ZNF578: variants seen among roughly 807,000 people sequenced by gnomAD.
ZNF578 encodes zinc finger protein 578.
A neutral mutation model predicts 8.3 loss-of-function variants in ZNF578; 8 were observed. That is an observed-to-expected ratio of 0.96 (90% CI 0.56 to 1.74). The LOEUF (loss-of-function observed/expected upper bound fraction) is 1.74, where lower values mean the gene tolerates loss of function less well. Ranked by LOEUF, ZNF578 falls within the 40% of genes most tolerant of loss-of-function variation. ZNF578 has a pLI of 0.00. For missense variants in ZNF578, 726 were observed against 707.5 expected, an observed-to-expected ratio of 1.03 and a Z score of -0.30; for synonymous variants, 206 against 232.2, an observed-to-expected ratio of 0.89 and a Z score of 1.03.
intron 3 of ZNF578, among the ~76,000 whole-genome samples, chr19:52,496,191 G>A (rs2059385615): frequency 6.7e-6 from 1 of 150,246 alleles, no homozygotes; most frequent in South Asian, 2.1e-4. Context: ...TCTGATTTTT[G>A]TATTTTTAGT....
intron 2 of ZNF578, among the ~76,000 whole-genome samples, chr19:52,463,332 TGGACATAAGAAAGTTTGCCAAATGTA>T (rs2059264625): frequency 6.6e-6 from 1 of 152,208 alleles, no homozygotes; most frequent in Non-Finnish European, 1.5e-5. Context: ...TCTGGTTACA[TGGACATAAGAAAGTTTGCCAAATGTA>T]GGAACGTGGG....
At position 52,511,294 on chromosome 19, in the gene ZNF578, C is replaced by G; in HGVS notation, c.913C>G (p.His305Asp). ...SFSYKSSLTC[H>D]RRCHTGEKPY... ...CAGTTACAAGTCATCCCTGACATGC[C>G]ATCGTAGATGTCACACTGGTGAGAA... The change falls in exon 6 of 6, where the codon CAT becomes GAT. Residue 305 changes from histidine (H) to aspartate (D), a missense_variant. Physicochemically the swap from His to Asp is moderately conservative, Grantham distance 81. Transcript: ENST00000421239. 1 of 1,614,066 alleles carries G rather than the reference C, an allele frequency of 6.2e-7. No homozygotes were observed. Among genetic ancestry groups the G allele is most frequent in the Non-Finnish European group, 8.5e-7 (1 of 1,180,006 alleles).
intron 2 of ZNF578, among the ~76,000 whole-genome samples, chr19:52,481,001 A>G (rs1350793377): frequency 6.6e-6 from 1 of 151,896 alleles, no homozygotes; most frequent in African/African-American, 2.4e-5. Context: ...TAGAGTCAGG[A>G]TTTGCAGGGA....
chr19:52,480,397 A>G (rs1211163992), intron 2 of ZNF578, among the ~76,000 whole-genome samples: 2 of 152,172 alleles, frequency 1.3e-5, no homozygotes, highest in Admixed American at 6.5e-5. Flanking sequence ...TTCCTGGGCA[A>G]ATAGTCCATA....
rs374729386 is a variant in ZNF578, at chr19:52,501,957, G to A, written c.63+49G>A. The A allele has an allele frequency of 1.5e-4, 242 of 1,599,606 alleles. 1 individual carries two copies. Among genetic ancestry groups the A allele is most frequent in the Admixed American group, 6.0e-4 (34 of 57,050 alleles). On this transcript the variant is annotated intron_variant, in intron 4 of 5. Transcript: ENST00000421239. Reference sequence around the variant, plus strand: ...TTAATCTGTCTCTTTCCTTTCTGAAGTGTAGTAGTATTATATTGTATTGTA... The same window carrying A: ...TTAATCTGTCTCTTTCCTTTCTGAAATGTAGTAGTATTATATTGTATTGTA...
intron 2 of ZNF578, chr19:52,458,468 T>TTTTATATATATATA (rs1555751152): frequency 9.9e-5 from 12 of 121,748 alleles, no homozygotes; most frequent in African/African-American, 4.0e-4. Context: ...GCTACTATGT[T>TTTTATATATATATA]TATATATATA....
At chr19:52,471,632 C>T (rs1349306638) in intron 2 of ZNF578, among the ~76,000 whole-genome samples, 3 of 152,158 alleles carry the variant, frequency 2.0e-5, no homozygotes, top group Middle Eastern at 6.3e-3. Flanking sequence ...TCATCTATTC[C>T]AGTTCTCTGA....
At chr19:52,504,892 A>ATTGT (rs1555756528) in intron 5 of ZNF578, 111 bp downstream of exon 5, 13 of 1,553,906 alleles carry the variant, frequency 8.4e-6, no homozygotes, top group Non-Finnish European at 1.1e-5. Flanking sequence ...TTTTTGTTTG[A>ATTGT]TTGTTTGTTT....
At chr19:52,460,053 C>T (rs1168143582) in intron 2 of ZNF578, among the ~76,000 whole-genome samples, 2 of 150,764 alleles carry the variant, frequency 1.3e-5, no homozygotes, top group Non-Finnish European at 3.0e-5. Flanking sequence ...GCATAGCCAC[C>T]GTGCCTGGCC....
At chr19:52,457,401 T>C (rs779404099) in intron 2 of ZNF578, 10 of 152,258 alleles carry the variant, frequency 6.6e-5, no homozygotes, top group Non-Finnish European at 1.2e-4. Flanking sequence ...TCTTCGTCTG[T>C]ATCCTTTGCA....
intron 2 of ZNF578, among the ~76,000 whole-genome samples, chr19:52,461,691 A>G (rs574993317): frequency 6.6e-6 from 1 of 152,344 alleles, no homozygotes; most frequent in African/African-American, 2.4e-5. Context: ...CTGACCATCA[A>G]CATGAAAGGA....
intron 2 of ZNF578, among the ~76,000 whole-genome samples, chr19:52,466,008 G>A (rs1030123403): frequency 6.6e-6 from 1 of 152,192 alleles, no homozygotes; most frequent in Admixed American, 6.5e-5. Flanking sequence ...AGTTAAGAGT[G>A]CATAAAGGTG....
intron 5 of ZNF578, among the ~76,000 whole-genome samples, chr19:52,507,045 G>T (rs1294117648): frequency 2.0e-5 from 3 of 152,086 alleles, no homozygotes; most frequent in Non-Finnish European, 4.4e-5. Flanking sequence ...TTGAGGTCAG[G>T]AGTTTGAGAC....
At chr19:52,497,313 G>A (rs900968126) in intron 3 of ZNF578, among the ~76,000 whole-genome samples, 2 of 152,210 alleles carry the variant, frequency 1.3e-5, no homozygotes, top group African/African-American at 4.8e-5. Flanking sequence ...GGCCAGGCTG[G>A]TCTCAAACTC....
rs774725782 is a variant in ZNF578, at chr19:52,511,583, G to A, written c.1202G>A (p.Cys401Tyr). ...AIHTGEKPYKCNECGKAFNQQ... is the reference protein window; with the variant it reads ...AIHTGEKPYKYNECGKAFNQQ... ...CATACTGGAGAGAAACCTTACAAGT[G>A]TAATGAATGTGGCAAGGCTTTTAAT... The change falls in exon 6 of 6, where the codon TGT becomes TAT. Residue 401 changes from cysteine (C) to tyrosine (Y), a missense_variant. Physicochemically the swap from Cys to Tyr is radical, Grantham distance 194. Transcript: ENST00000421239. 9.3e-6 allele frequency: 15 copies of A among 1,613,322 alleles called. No homozygotes were observed. The South Asian group carries it at 1.6e-4, about 18-fold the overall frequency.
intron 3 of ZNF578, among the ~76,000 whole-genome samples, chr19:52,499,795 C>T: frequency 6.6e-6 from 1 of 151,152 alleles, no homozygotes; most frequent in East Asian, 1.9e-4. Flanking sequence ...AAGGGATTCT[C>T]CTGCCTCAGA....
chr19:52,483,226 A>C (rs2059333366), intron 2 of ZNF578, among the ~76,000 whole-genome samples: 1 of 151,650 alleles, frequency 6.6e-6, no homozygotes, highest in Admixed American at 6.6e-5. Context: ...GACCAGCCTG[A>C]CCAACATGGA....
intron 3 of ZNF578, among the ~76,000 whole-genome samples, chr19:52,497,831 T>G (rs897952): frequency 2.0e-5 from 3 of 152,188 alleles, no homozygotes; most frequent in African/African-American, 7.2e-5. Context: ...AAAAAATGGT[T>G]ATCTGTGAGC....
intron 5 of ZNF578, among the ~76,000 whole-genome samples, chr19:52,506,574 T>G (rs540148316): frequency 6.8e-6 from 1 of 146,920 alleles, no homozygotes; most frequent in African/African-American, 2.5e-5. Flanking sequence ...TCAGGCAATC[T>G]CCTACCTCAG....
Sources: allele counts gnomAD v4.1 joint callset (sites outside exome capture counted in the v4.1 genomes callset), GRCh38; gene constraint gnomAD v4.1.1; transcripts MANE v1.5; gene names NCBI Gene and HGNC (gene_info 2026-07-23, HGNC 2026-07-21).